EBF1: variants seen among roughly 807,000 people sequenced by gnomAD.
The protein encoded by EBF1 is transcription factor COE1.
EBF1 carries 10 observed loss-of-function variants against 68.4 expected under a neutral mutation model. The ratio of observed to expected loss-of-function variants is 0.15; its 90% CI spans 0.09 to 0.25. The LOEUF (loss-of-function observed/expected upper bound fraction) is 0.25. Among genes scored for constraint, EBF1 ranks in the 10% least tolerant of loss-of-function variants. The probability of loss-of-function intolerance (pLI) is 1.00; values close to 1 mark genes in which losing one functional copy is unlikely to be tolerated. For missense variants in EBF1, 509 were observed against 794.4 expected (o/e 0.64, Z 4.32); for synonymous variants, 298 against 299.8 (o/e 0.99, Z 0.06).
rs1380955164 is a variant in EBF1 at position 158,697,311 on chromosome 5, A to G, written c.*1800T>C. The G allele has an allele frequency of 5.2e-6, 1 of 193,530 alleles. No individual in the cohort carries two copies. The highest frequency in any genetic ancestry group is 2.3e-5 in the African/African-American group (1 of 43,084). 12.0% of individuals were successfully genotyped at this position (193,530 alleles called of 1,614,324 possible). ...GCCATATATTGGAAAAAACTTCTTA[A>G]CTTACAAATAATACAAAAATAGACA... On this transcript the variant is annotated 3_prime_UTR_variant, in exon 16 of 16. Transcript: ENST00000313708.
chr5:158,764,157 T>A (rs1333734587), intron 10 of EBF1, among the ~76,000 whole-genome samples: 1 of 152,184 alleles, frequency 6.6e-6, no homozygotes, highest in Non-Finnish European at 1.5e-5. Flanking sequence ...TGGCAAGAAT[T>A]TGGGCCAGGA....
At chr5:158,888,618 A>G (rs1800514952) in intron 6 of EBF1, among the ~76,000 whole-genome samples, 1 of 152,328 alleles carries the variant, frequency 6.6e-6, no homozygotes, top group South Asian at 2.1e-4. Flanking sequence ...GACAAATTAT[A>G]TTAAAGACCA....
At chr5:158,943,682 A>C (rs992600024) in intron 6 of EBF1, among the ~76,000 whole-genome samples, 21 of 152,122 alleles carry the variant, frequency 1.4e-4, no homozygotes, top group Admixed American at 1.4e-3. Context: ...TCTAAGCAGA[A>C]GTCTGAATTC....
Position 159,087,345 on chromosome 5 carries a change from TATATATATACACATATATATATACACAC to T in EBF1, c.412-2634_412-2607del, listed in dbSNP as rs1561985760. Among the ~76,000 whole-genome samples the T allele has an allele frequency of 4.1e-5, 5 of 122,158 alleles. No individual in the cohort carries two copies. The South Asian group carries it at 1.2e-3, about 29-fold the overall frequency. 80.1% of individuals were successfully genotyped at this position (122,158 alleles called of 152,430 possible). On this transcript the variant is annotated intron_variant, in intron 4 of 15. Transcript: ENST00000313708. ...ATACACATATATATATACACACACATATATATATACACATATATATATACACACATATATATACACATATATATACATA... is the reference window on the plus strand; with the variant it reads ...ATACACATATATATATACACACACATATATATATACACATATATATACATA...
intron 10 of EBF1, among the ~76,000 whole-genome samples, chr5:158,741,765 A>G (rs1766468871): frequency 6.6e-6 from 1 of 152,188 alleles, no homozygotes; most frequent in African/African-American, 2.4e-5. Flanking sequence ...TTCACTGAGA[A>G]GCATAATATT....
intron 6 of EBF1, among the ~76,000 whole-genome samples, chr5:159,048,436 C>T (rs1772879091): frequency 6.6e-6 from 1 of 152,148 alleles, no homozygotes; most frequent in Non-Finnish European, 1.5e-5. Flanking sequence ...GAAGCAGATG[C>T]CCAGCCTGCA....
chr5:158,740,163 A>C (rs941022281), intron 10 of EBF1, among the ~76,000 whole-genome samples: 13 of 152,186 alleles, frequency 8.5e-5, no homozygotes, highest in Non-Finnish European at 1.5e-5. Context: ...AATTTCAACA[A>C]CACAATTGCT....
chr5:158,708,946 C>T (rs1016400214), intron 14 of EBF1, among the ~76,000 whole-genome samples: 3 of 152,130 alleles, frequency 2.0e-5, no homozygotes, highest in Admixed American at 6.5e-5. Context: ...TGCAGATAAC[C>T]AATGATGGGA....
intron 6 of EBF1, among the ~76,000 whole-genome samples, chr5:159,072,923 C>T (rs556512949): frequency 1.3e-5 from 2 of 152,248 alleles, no homozygotes; most frequent in East Asian, 3.9e-4. Context: ...AATCTTGGTT[C>T]ACAGATCTCT....
chr5:158,964,743 A>AGG (rs1374016911), intron 6 of EBF1, among the ~76,000 whole-genome samples: 2 of 152,212 alleles, frequency 1.3e-5, no homozygotes, highest in African/African-American at 4.8e-5. Flanking sequence ...AAACAGGTAG[A>AGG]GGCCCACGTA....
chr5:158,721,784 G>T (rs1305084957), intron 11 of EBF1, among the ~76,000 whole-genome samples: 2 of 152,088 alleles, frequency 1.3e-5, no homozygotes, highest in Non-Finnish European at 2.9e-5. Context: ...TCTCATAAAA[G>T]AAACATTACA....
Position 159,097,041 on chromosome 5 carries a change from T to C in EBF1, c.224A>G (p.Tyr75Cys), listed in dbSNP as rs1562010969. 1 of 1,613,992 alleles carries C rather than the reference T, an allele frequency of 6.2e-7. No individual in the cohort carries two copies. Among genetic ancestry groups the C allele is most frequent in the Admixed American group, 1.7e-5 (1 of 60,006 alleles). ...CTCCACGGGCTGGCCCTGTCTGTCG[T>C]AGAGGGCCAGGACGAAGTGGAAGAA... is the stretch of plus-strand genomic sequence containing the variant. ...SNFFHFVLALYDRQGQPVEIE... is the reference protein window; with the variant it reads ...SNFFHFVLALCDRQGQPVEIE... Residue 75 changes from tyrosine to cysteine, a missense_variant, in exon 2 of 16, where the codon TAC (tyrosine) becomes TGC (cysteine). By Grantham distance (194) the Tyr-to-Cys change is radical (BLOSUM62 -2). Around this residue, in one of 3 missense-constraint regions of EBF1, gnomAD observed 230 missense variants for 467.7 expected, o/e 0.49. Coordinates refer to ENST00000313708, the MANE Select transcript of EBF1 (RefSeq NM_024007.5).
At chr5:158,796,309 C>G in intron 9 of EBF1, 36 bp downstream of exon 9, 1 of 1,578,224 alleles carries the variant, frequency 6.3e-7, no homozygotes, top group Non-Finnish European at 8.6e-7. Context: ...TCAACTAGAT[C>G]AAGCTATTAG....
At chr5:158,935,920 C>T (rs1811918075) in intron 6 of EBF1, among the ~76,000 whole-genome samples, 1 of 152,218 alleles carries the variant, frequency 6.6e-6, no homozygotes, top group Non-Finnish European at 1.5e-5. Flanking sequence ...ATTCAGCTAT[C>T]TTTGCACTGG....
intron 10 of EBF1, among the ~76,000 whole-genome samples, chr5:158,752,050 T>C (rs1412252403): frequency 6.6e-6 from 1 of 151,968 alleles, no homozygotes; most frequent in Non-Finnish European, 1.5e-5. Flanking sequence ...AGTGTTTTGT[T>C]CCCCACTCTA....
rs1777100936 is a variant in EBF1, at chr5:159,067,771, A to T, written c.554+5625T>A. Among the ~76,000 whole-genome samples, 3 of 152,168 alleles carry T rather than the reference A, an allele frequency of 2.0e-5. No individual in the cohort carries two copies. In the South Asian group the frequency reaches 6.2e-4, roughly 32 times the overall value. On this transcript the variant is annotated intron_variant, in intron 6 of 15. Coordinates refer to ENST00000313708, the MANE Select transcript of EBF1 (RefSeq NM_024007.5). Reference sequence around the variant, plus strand: ...TAATCACATATGAATTCCCACTGAGAAGACAAATGTTTAAACACACTAAGG... The same window carrying T: ...TAATCACATATGAATTCCCACTGAGTAGACAAATGTTTAAACACACTAAGG...
chr5:158,891,454 T>C (rs1383964912), intron 6 of EBF1, among the ~76,000 whole-genome samples: 1 of 152,110 alleles, frequency 6.6e-6, no homozygotes, highest in African/African-American at 2.4e-5. Flanking sequence ...AAAAAATAAA[T>C]CTCTCCAGCA....
At chr5:159,024,278 C>G (rs1379950242) in intron 6 of EBF1, among the ~76,000 whole-genome samples, 2 of 152,160 alleles carry the variant, frequency 1.3e-5, no homozygotes, top group African/African-American at 4.8e-5. Flanking sequence ...ACTTCACCTT[C>G]AAAAACTCAT....
intron 6 of EBF1, chr5:158,986,953 A>T (rs1759213412): frequency 6.6e-6 from 1 of 152,250 alleles, no homozygotes; most frequent in Admixed American, 6.5e-5. Flanking sequence ...TGAATAACTC[A>T]ACTTCAATCA....
Sources: allele counts gnomAD v4.1 joint callset (sites outside exome capture counted in the v4.1 genomes callset), GRCh38; gene constraint gnomAD v4.1.1; regional missense constraint gnomAD v4.1.1; transcripts MANE v1.5; gene names NCBI Gene and HGNC (gene_info 2026-07-23, HGNC 2026-07-21).